The following LINGO2 variants were observed in gnomAD, a reference collection of about 807,000 sequenced individuals.
The protein encoded by LINGO2 is leucine-rich repeat and immunoglobulin-like domain-containing nogo receptor-interacting protein 2.
In LINGO2, 14 loss-of-function variants were observed where a neutral mutation model predicts 30.6. The ratio of observed to expected loss-of-function variants is 0.46; its 90% CI spans 0.30 to 0.72. LINGO2 has a LOEUF of 0.72. LINGO2 is among the 30% of genes least tolerant of loss of function. LINGO2 has a pLI of 0.07. For synonymous variants in LINGO2, 317 were observed against 288.5 expected (o/e 1.10, Z -1.00); for missense variants, 729 against 751.7 (o/e 0.97, Z 0.35).
intron 2 of LINGO2, among the ~76,000 whole-genome samples, chr9:28,387,864 C>T (rs577398763): frequency 6.6e-6 from 1 of 152,104 alleles, no homozygotes; most frequent in East Asian, 1.9e-4. Flanking sequence ...GGAAGAAACT[C>T]CAGACACGTC....
the LINGO2 span, among the ~76,000 whole-genome samples, chr9:28,696,105 G>A: frequency 1.3e-5 from 2 of 151,916 alleles, no homozygotes; most frequent in South Asian, 4.1e-4. Context: ...TTCAATGTCA[G>A]CCTCTTTCTC....
the LINGO2 span, among the ~76,000 whole-genome samples, chr9:29,038,838 A>C: frequency 6.6e-6 from 1 of 152,158 alleles, no homozygotes; most frequent in Admixed American, 6.6e-5. Flanking sequence ...TACTGAAGCA[A>C]GGGGAAAACT....
At chr9:28,830,317 T>C in the LINGO2 span, among the ~76,000 whole-genome samples, 1 of 151,792 alleles carries the variant, frequency 6.6e-6, no homozygotes, top group Non-Finnish European at 1.5e-5. Flanking sequence ...CCTGGATGAG[T>C]GGGGTGGGGG....
chr9:29,063,337 G>A, the LINGO2 span, among the ~76,000 whole-genome samples: 1 of 151,590 alleles, frequency 6.6e-6, no homozygotes, highest in African/African-American at 2.4e-5. Flanking sequence ...CATTATTAGT[G>A]CTTTAAACTC....
chr9:29,056,324 T>G, the LINGO2 span, among the ~76,000 whole-genome samples: 1 of 152,184 alleles, frequency 6.6e-6, no homozygotes, highest in Non-Finnish European at 1.5e-5. Flanking sequence ...ACACTGTAGT[T>G]TTGATTTGCA....
chr9:29,142,658 G>T, the LINGO2 span, among the ~76,000 whole-genome samples: 4 of 151,416 alleles, frequency 2.6e-5, no homozygotes, highest in Non-Finnish European at 4.4e-5. Context: ...CATAATAAAG[G>T]CCATATATGA....
the LINGO2 span, among the ~76,000 whole-genome samples, chr9:29,131,343 C>A: frequency 6.6e-6 from 1 of 152,096 alleles, no homozygotes; most frequent in Non-Finnish European, 1.5e-5. Context: ...TCCCCTCCAG[C>A]AATTAATGGA....
the LINGO2 span, among the ~76,000 whole-genome samples, chr9:29,064,887 T>C: frequency 6.6e-6 from 1 of 152,112 alleles, no homozygotes; most frequent in Non-Finnish European, 1.5e-5. Flanking sequence ...GTTTATTTGA[T>C]AAATAAATGA....
intron 5 of LINGO2, among the ~76,000 whole-genome samples, chr9:28,009,283 G>A (rs1417538271): frequency 2.0e-5 from 3 of 150,130 alleles, no homozygotes; most frequent in African/African-American, 7.3e-5. Context: ...GCTCTTAGAA[G>A]AACACACAGG....
chr9:29,141,098 C>A, the LINGO2 span, among the ~76,000 whole-genome samples: 1 of 151,900 alleles, frequency 6.6e-6, no homozygotes, highest in East Asian at 1.9e-4. Flanking sequence ...ATATTTGAAG[C>A]ATAGATTGCT....
the LINGO2 span, among the ~76,000 whole-genome samples, chr9:29,086,610 A>G: frequency 1.3e-5 from 2 of 152,296 alleles, no homozygotes; most frequent in African/African-American, 4.8e-5. Context: ...AAAGTAAGAG[A>G]AGGTGAAAAA....
chr9:28,910,012 A>G, the LINGO2 span, among the ~76,000 whole-genome samples: 1 of 152,074 alleles, frequency 6.6e-6, no homozygotes, highest in Non-Finnish European at 1.5e-5. Flanking sequence ...AATATTCTTA[A>G]GCAAAGCCAA....
chr9:28,797,351 TATATATATAGAGAG>T, the LINGO2 span, among the ~76,000 whole-genome samples: 5 of 62,508 alleles, frequency 8.0e-5, no homozygotes, highest in African/African-American at 1.7e-4. Flanking sequence ...TATATATATA[TATATATATAGAGAG>T]AGAGAGAGAG....
the LINGO2 span, among the ~76,000 whole-genome samples, chr9:29,160,130 G>A: frequency 6.6e-6 from 1 of 152,186 alleles, no homozygotes; most frequent in Non-Finnish European, 1.5e-5. Flanking sequence ...CCCACCTCTA[G>A]AGTTCCTGCT....
At chr9:28,315,738 G>A (rs777048122) in intron 3 of LINGO2, among the ~76,000 whole-genome samples, 1 of 152,114 alleles carries the variant, frequency 6.6e-6, no homozygotes, top group Non-Finnish European at 1.5e-5. Context: ...CTGTAGTTCA[G>A]CAAGAAAATA....
At chr9:28,635,867 ACAACG>A in intron 1 of LINGO2, among the ~76,000 whole-genome samples, 1 of 152,242 alleles carries the variant, frequency 6.6e-6, no homozygotes, top group East Asian at 1.9e-4. Flanking sequence ...GTACATGTGC[ACAACG>A]TACAGGTTTG....
chr9:28,504,444 A>C (rs1169468412), intron 1 of LINGO2, among the ~76,000 whole-genome samples: 1 of 151,866 alleles, frequency 6.6e-6, no homozygotes, highest in Non-Finnish European at 1.5e-5. Context: ...AATGTGTAGA[A>C]GTAACCAGTA....
chr9:27,977,160 C>CT (rs112371496), intron 5 of LINGO2, among the ~76,000 whole-genome samples: 4,814 of 146,748 alleles, frequency 0.033, 241 homozygotes, highest in East Asian at 0.17. Flanking sequence ...GCTTTACCTA[C>CT]TTTTTTTTTT....
chr9:28,177,516 T>G (rs549205290), intron 4 of LINGO2, among the ~76,000 whole-genome samples: 1 of 152,212 alleles, frequency 6.6e-6, no homozygotes, highest in Non-Finnish European at 1.5e-5. Flanking sequence ...CCCCATTATG[T>G]TCCCCAGTTA....
Sources: gnomAD v4.1 joint callset for allele counts (sites outside exome capture counted in the v4.1 genomes callset) on GRCh38, gnomAD v4.1.1 for gene constraint, MANE v1.5 for transcripts, NCBI Gene and HGNC (gene_info 2026-07-23, HGNC 2026-07-21) for gene names.